Variants in IQCM observed in about 807,000 individuals in gnomAD.
The protein encoded by IQCM is IQ motif containing M, also known as IQ domain-containing protein M.
Under a neutral mutation model 57.6 loss-of-function variants are expected in IQCM, and 45 were observed. The observed-to-expected ratio is 0.78, with a 90% CI of 0.62 to 1.00. The LOEUF (loss-of-function observed/expected upper bound fraction) is 1.00, where lower values mean the gene tolerates loss of function less well. Ranked by LOEUF, IQCM falls within the 50% of genes least tolerant of loss-of-function variation. The pLI is 0.00. For synonymous variants in IQCM, 148 were observed against 158.9 expected (o/e 0.93, Z 0.51); for missense variants, 468 against 511.6 (o/e 0.91, Z 0.82).
intron 2 of IQCM, among the ~76,000 whole-genome samples, chr4:149,791,361 G>T (rs1055037612): frequency 3.3e-5 from 5 of 152,056 alleles, no homozygotes; most frequent in African/African-American, 1.2e-4. Context: ...CATATGTTGT[G>T]CAATGATCAA....
intron 2 of IQCM, among the ~76,000 whole-genome samples, chr4:149,781,915 G>C (rs1771638199): frequency 6.6e-6 from 1 of 152,108 alleles, no homozygotes; most frequent in Non-Finnish European, 1.5e-5. Context: ...AACACACTGA[G>C]TAGGAGAAAC....
At chr4:149,565,418 G>T (rs1750528119) in intron 9 of IQCM, among the ~76,000 whole-genome samples, 1 of 152,192 alleles carries the variant, frequency 6.6e-6, no homozygotes, top group Non-Finnish European at 1.5e-5. Flanking sequence ...TTAGGTGGTA[G>T]ATGGCAGGAA....
chr4:149,400,491 T>A (rs947265882), intron 13 of IQCM, among the ~76,000 whole-genome samples: 1 of 151,954 alleles, frequency 6.6e-6, no homozygotes, highest in African/African-American at 2.4e-5. Flanking sequence ...TTCCACTATT[T>A]CCAGCCACAT....
chr4:149,724,537 A>C (rs1765722522), intron 5 of IQCM, among the ~76,000 whole-genome samples: 1 of 151,948 alleles, frequency 6.6e-6, no homozygotes, highest in Non-Finnish European at 1.5e-5. Context: ...CCACACCCAT[A>C]AACACATATA....
At chr4:149,516,199 T>G (rs1349613680) in intron 12 of IQCM, among the ~76,000 whole-genome samples, 4 of 152,226 alleles carry the variant, frequency 2.6e-5, no homozygotes. Flanking sequence ...GCCAGCTACC[T>G]GGTGGTAGGT....
intron 12 of IQCM, among the ~76,000 whole-genome samples, chr4:149,434,713 T>C (rs1735187410): frequency 6.6e-6 from 1 of 152,026 alleles, no homozygotes; most frequent in Non-Finnish European, 1.5e-5. Context: ...TTCCTCACAA[T>C]ATGGCATGAT....
intron 13 of IQCM, among the ~76,000 whole-genome samples, chr4:149,366,911 T>C (rs1405266245): frequency 6.6e-6 from 1 of 152,058 alleles, no homozygotes; most frequent in Non-Finnish European, 1.5e-5. Flanking sequence ...TTGCATATTT[T>C]GTCAATTGCA....
At chr4:149,648,897 TAA>T (rs905925627) in intron 7 of IQCM, among the ~76,000 whole-genome samples, 2 of 148,486 alleles carry the variant, frequency 1.3e-5, no homozygotes, top group African/African-American at 5.0e-5. Context: ...TAAAGTATAA[TAA>T]AAAAAAGAAA....
chr4:149,661,856 A>G (rs1760247494), intron 7 of IQCM, among the ~76,000 whole-genome samples: 1 of 152,036 alleles, frequency 6.6e-6, no homozygotes, highest in Admixed American at 6.6e-5. Flanking sequence ...AGTCTGGCTA[A>G]TGATTTGTCA....
At chr4:149,652,694 T>G (rs1314981491) in intron 7 of IQCM, among the ~76,000 whole-genome samples, 2 of 151,352 alleles carry the variant, frequency 1.3e-5, no homozygotes, top group East Asian at 3.9e-4. Context: ...ATAGGATTGA[T>G]AGATGTGAAC....
chr4:149,596,729 G>T (rs541866674), intron 8 of IQCM, among the ~76,000 whole-genome samples: 1 of 152,116 alleles, frequency 6.6e-6, no homozygotes, highest in South Asian at 2.1e-4. Context: ...AGATTTAGAG[G>T]TTCAATTCAG....
intron 7 of IQCM, among the ~76,000 whole-genome samples, chr4:149,632,962 C>A (rs1013987075): frequency 5.3e-5 from 8 of 150,182 alleles, no homozygotes; most frequent in African/African-American, 1.7e-4. Context: ...GAGATCGAGA[C>A]CATCCTGGCT....
At chr4:149,731,452 A>G (rs778972110) in intron 5 of IQCM, among the ~76,000 whole-genome samples, 1 of 152,180 alleles carries the variant, frequency 6.6e-6, no homozygotes, top group Non-Finnish European at 1.5e-5. Flanking sequence ...TGAGAAATAA[A>G]TTTAGTCTGT....
intron 2 of IQCM, among the ~76,000 whole-genome samples, chr4:149,796,456 A>G (rs996674680): frequency 1.3e-5 from 2 of 152,124 alleles, no homozygotes; most frequent in African/African-American, 4.8e-5. Flanking sequence ...CCTGGACAGC[A>G]CCTCTGTATC....
intron 13 of IQCM, among the ~76,000 whole-genome samples, chr4:149,382,278 T>C (rs888206432): frequency 1.3e-5 from 2 of 151,976 alleles, no homozygotes; most frequent in African/African-American, 4.8e-5. Flanking sequence ...CTTGTGGGGG[T>C]GCAGTTGGGG....
chr4:149,396,194 C>T (rs1365521402), intron 13 of IQCM, among the ~76,000 whole-genome samples: 3 of 151,758 alleles, frequency 2.0e-5, no homozygotes, highest in African/African-American at 2.4e-5. Flanking sequence ...TTTAATTCTA[C>T]AATTATTAGC....
intron 12 of IQCM, among the ~76,000 whole-genome samples, chr4:149,543,907 G>T (rs1748119378): frequency 6.6e-6 from 1 of 152,082 alleles, no homozygotes; most frequent in Non-Finnish European, 1.5e-5. Flanking sequence ...ACAAATAGGT[G>T]AACAAATATT....
intron 12 of IQCM, among the ~76,000 whole-genome samples, chr4:149,465,654 T>C (rs1308720264): frequency 6.6e-6 from 1 of 152,108 alleles, no homozygotes; most frequent in African/African-American, 2.4e-5. Context: ...CTCACCTACT[T>C]GTAGGACCCT....
At chr4:149,737,069 A>G (rs1476948866) in intron 3 of IQCM, among the ~76,000 whole-genome samples, 1 of 152,214 alleles carries the variant, frequency 6.6e-6, no homozygotes, top group Non-Finnish European at 1.5e-5. Context: ...AAGTTAAAGC[A>G]GACTTACACA....
Sources: gnomAD v4.1 joint callset for allele counts (sites outside exome capture counted in the v4.1 genomes callset) on GRCh38, gnomAD v4.1.1 for gene constraint, MANE v1.5 for transcripts, NCBI Gene and HGNC (gene_info 2026-07-23, HGNC 2026-07-21) for gene names.